The following WWOX variants were observed in gnomAD, a reference collection of about 807,000 sequenced individuals.
WWOX encodes the protein WW domain-containing oxidoreductase.
WWOX carries 69 observed loss-of-function variants against 46.2 expected under a neutral mutation model. That is an observed-to-expected ratio of 1.49 (90% CI 1.23 to 1.82). The LOEUF is 1.82. Ranked by LOEUF, WWOX falls within the 40% of genes most tolerant of loss-of-function variation. The pLI, the probability that WWOX is intolerant of heterozygous loss-of-function variation, is 0.00. For missense variants in WWOX, 919 were observed against 542.6 expected, an observed-to-expected ratio of 1.69 and a Z score of -6.89; for synonymous variants, 359 against 202.6, an observed-to-expected ratio of 1.77 and a Z score of -6.56.
chr16:78,652,009 G>A (rs148871027), intron 8 of WWOX, among the ~76,000 whole-genome samples: 1 of 152,206 alleles, frequency 6.6e-6, no homozygotes, highest in East Asian at 1.9e-4. Context: ...GGTATAAGGT[G>A]GATGTATTAT....
intron 8 of WWOX, among the ~76,000 whole-genome samples, chr16:78,743,871 G>A (rs925986164): frequency 1.1e-4 from 16 of 152,156 alleles, no homozygotes; most frequent in African/African-American, 3.9e-4. Flanking sequence ...GACCTCTATA[G>A]GGTATTTAAA....
chr16:78,435,615 A>G (rs2083317954), intron 8 of WWOX, among the ~76,000 whole-genome samples: 1 of 148,978 alleles, frequency 6.7e-6, no homozygotes, highest in African/African-American at 2.4e-5. Context: ...GCACTCATAG[A>G]AAGGGCACTG....
intron 8 of WWOX, among the ~76,000 whole-genome samples, chr16:78,523,004 G>A (rs997000113): frequency 5.3e-5 from 8 of 152,170 alleles, no homozygotes; most frequent in South Asian, 2.1e-4. Flanking sequence ...GCTGGGAGGC[G>A]GAGGTTGCAG....
intron 8 of WWOX, among the ~76,000 whole-genome samples, chr16:78,853,048 A>G (rs893593277): frequency 6.6e-6 from 1 of 152,124 alleles, no homozygotes; most frequent in Admixed American, 6.5e-5. Context: ...CAGTTTTCTT[A>G]TCTGCAAAAT....
chr16:78,879,048 G>A lies in WWOX; in HGVS notation c.1057-332560G>A, dbSNP rs376733518. Among the ~76,000 whole-genome samples the A allele has an allele frequency of 2.0e-4, 30 of 152,130 alleles. 1 individual carries two copies. The South Asian group carries it at 6.0e-3, about 31-fold the overall frequency. On this transcript the variant is annotated intron_variant, in intron 8 of 8. Coordinates refer to ENST00000566780, the MANE Select transcript of WWOX (RefSeq NM_016373.4). ...TGTCACTACACTTCACCCTGGATCT[G>A]GAAGGAAGGGAGGAAAGGAGGAAGG... is the stretch of plus-strand genomic sequence containing the variant.
chr16:79,079,456 G>T (rs562338799), intron 8 of WWOX, among the ~76,000 whole-genome samples: 8 of 152,046 alleles, frequency 5.3e-5, no homozygotes, highest in Admixed American at 6.5e-5. Flanking sequence ...TCATTCCTGT[G>T]ACCTTGGGAG....
chr16:78,299,306 A>T (rs1254822142), intron 5 of WWOX, among the ~76,000 whole-genome samples: 2 of 152,050 alleles, frequency 1.3e-5, no homozygotes, highest in Non-Finnish European at 2.9e-5. Context: ...GTGCCTGGCC[A>T]CTTCTCACCT....
intron 8 of WWOX, among the ~76,000 whole-genome samples, chr16:78,678,320 A>C (rs1597433784): frequency 6.6e-6 from 1 of 152,304 alleles, no homozygotes; most frequent in East Asian, 1.9e-4. Context: ...AGGCTGCAGT[A>C]GGGTATGAGC....
intron 5 of WWOX, among the ~76,000 whole-genome samples, chr16:78,309,168 G>C (rs12596766): frequency 0.35 from 53,769 of 151,974 alleles, 10,177 homozygotes; most frequent in South Asian, 0.57. Context: ...CCACAATCCC[G>C]ACATGTCAAG....
rs62034097 is a variant in WWOX, at chr16:78,451,091, A to C, written c.1056+18339A>C. The stretch of plus-strand genomic sequence containing the variant: ...CTTGTTTATTGCATCTTCCGATGTC[A>C]CATTATCTCATTGCCAAGCTAAAGG... On this transcript the variant is annotated intron_variant, in intron 8 of 8. Coordinates refer to ENST00000566780, the MANE Select transcript of WWOX (RefSeq NM_016373.4). Among the ~76,000 whole-genome samples the C allele has an allele frequency of 5.8e-3, 879 of 152,314 alleles. 5 individuals carry two copies. The highest frequency in any genetic ancestry group is 0.021 in the South Asian group (103 of 4,824).
intron 5 of WWOX, among the ~76,000 whole-genome samples, chr16:78,321,324 ATACGTATATATG>A (rs1856432485): frequency 1.2e-5 from 1 of 82,614 alleles, no homozygotes; most frequent in South Asian, 3.6e-4. Context: ...GCGTATATAT[ATACGTATATATG>A]CGTATATATA....
At chr16:79,210,386 G>T (rs2051685091) in intron 8 of WWOX, among the ~76,000 whole-genome samples, 1 of 152,182 alleles carries the variant, frequency 6.6e-6, no homozygotes, top group African/African-American at 2.4e-5. Context: ...CAGACCATTT[G>T]AGGGAAACTC....
intron 8 of WWOX, among the ~76,000 whole-genome samples, chr16:78,773,043 C>G (rs2050102802): frequency 6.6e-6 from 1 of 151,936 alleles, no homozygotes; most frequent in Admixed American, 6.6e-5. Context: ...CAAAGCAAAA[C>G]AAACAAACAA....
At chr16:79,136,574 G>A (rs1035216464) in intron 8 of WWOX, among the ~76,000 whole-genome samples, 11 of 152,258 alleles carry the variant, frequency 7.2e-5, no homozygotes, top group African/African-American at 2.2e-4. Context: ...GTGATTGGGA[G>A]GAAAAAGTGA....
At chr16:78,746,002 G>A (rs991119257) in intron 8 of WWOX, among the ~76,000 whole-genome samples, 9 of 152,162 alleles carry the variant, frequency 5.9e-5, no homozygotes, top group African/African-American at 1.9e-4. Flanking sequence ...AGGCTACTGG[G>A]AAGGGCCATA....
chr16:79,123,920 G>A (rs539527688), intron 8 of WWOX, among the ~76,000 whole-genome samples: 103 of 152,248 alleles, frequency 6.8e-4, no homozygotes, highest in Non-Finnish European at 1.0e-3. Context: ...GATACCCTGG[G>A]TCTCCTGCTG....
At chr16:78,762,861 C>T (rs1054289073) in intron 8 of WWOX, among the ~76,000 whole-genome samples, 3 of 152,230 alleles carry the variant, frequency 2.0e-5, no homozygotes, top group East Asian at 1.9e-4. Flanking sequence ...TTAAATGCAA[C>T]GCTACTTTGA....
At chr16:78,970,227 C>T (rs750839496) in intron 8 of WWOX, among the ~76,000 whole-genome samples, 1 of 152,166 alleles carries the variant, frequency 6.6e-6, no homozygotes, top group African/African-American at 2.4e-5. Context: ...TTGATAACCA[C>T]AGCACGGTGT....
intron 5 of WWOX, among the ~76,000 whole-genome samples, chr16:78,340,597 G>C (rs1349673254): frequency 8.3e-6 from 1 of 120,894 alleles, no homozygotes; most frequent in African/African-American, 2.8e-5. Context: ...CCAACTCTTA[G>C]CACATGGCCA....
Sources: gnomAD v4.1 joint callset for allele counts (sites outside exome capture counted in the v4.1 genomes callset) on GRCh38, gnomAD v4.1.1 for gene constraint, MANE v1.5 for transcripts, NCBI Gene and HGNC (gene_info 2026-07-23, HGNC 2026-07-21) for gene names.